ACYP2: variants seen among roughly 807,000 people sequenced by gnomAD.
The protein encoded by ACYP2 is acylphosphatase-2.
ACYP2 carries 12 observed loss-of-function variants against 11.2 expected under a neutral mutation model. That is an observed-to-expected ratio of 1.08 (90% CI 0.69 to 1.74). The LOEUF is 1.74. Among genes scored for constraint, ACYP2 ranks in the 40% most tolerant of loss-of-function variants. The pLI, the probability that ACYP2 is intolerant of heterozygous loss-of-function variation, is 0.00. For missense variants in ACYP2, 134 were observed against 101.9 expected, an observed-to-expected ratio of 1.31 and a Z score of -1.35; for synonymous variants, 43 against 32.2, an observed-to-expected ratio of 1.33 and a Z score of -1.13.
intron 2 of ACYP2, among the ~76,000 whole-genome samples, chr2:54,003,346 G>A (rs181293582): frequency 2.0e-5 from 3 of 151,592 alleles, no homozygotes; most frequent in South Asian, 4.2e-4. Context: ...CGCAACCTCC[G>A]CCTCCCAAGT....
intron 4 of ACYP2, among the ~76,000 whole-genome samples, chr2:54,096,699 G>GGC (rs1362220837): frequency 6.6e-6 from 1 of 151,564 alleles, no homozygotes; most frequent in African/African-American, 2.4e-5. Context: ...CAGGTGTGGC[G>GGC]GCGCGCGCCT....
chr2:53,974,368 G>A (rs1671360693), intron 2 of ACYP2, among the ~76,000 whole-genome samples: 1 of 152,188 alleles, frequency 6.6e-6, no homozygotes, highest in African/African-American at 2.4e-5. Flanking sequence ...GAGGAAAGCA[G>A]GGAAGGAAGC....
chr2:54,155,591 G>C (rs1274390711), intron 6 of ACYP2, among the ~76,000 whole-genome samples: 1 of 152,142 alleles, frequency 6.6e-6, no homozygotes, highest in Non-Finnish European at 1.5e-5. Context: ...CACTCTTCAT[G>C]AGAATCTAAC....
At chr2:54,017,789 G>T (rs553300873) in intron 2 of ACYP2, among the ~76,000 whole-genome samples, 7 of 151,732 alleles carry the variant, frequency 4.6e-5, no homozygotes, top group Non-Finnish European at 8.8e-5. Flanking sequence ...ACTGTATTAC[G>T]TGTGTGTGGG....
chr2:54,207,173 A>ATGTGTGTGTGTGTGTGTGTGTGTG lies in ACYP2; in HGVS notation c.404+68435_404+68458dup, dbSNP rs58920943. 1.4e-3 allele frequency among the ~76,000 whole-genome samples: 194 copies of ATGTGTGTGTGTGTGTGTGTGTGTG among 138,712 alleles called. 3 individuals carry two copies. The highest frequency in any genetic ancestry group is 4.5e-3 in the East Asian group (21 of 4,640). 91.0% of individuals were successfully genotyped at this position (138,712 alleles called of 152,430 possible). A position where few individuals can be genotyped will look rare whatever the true frequency, so the allele number is the denominator to read the frequency against. On this transcript the variant is annotated intron_variant, in intron 6 of 6. Coordinates refer to ENST00000607452, the MANE Select transcript of ACYP2 (RefSeq NM_001320586.2). ...ATATGTACATATATACAACATGTATATGTGTGTGTGTGTGTGTGTGTGTGT... is the reference window on the plus strand; with the variant it reads ...ATATGTACATATATACAACATGTATATGTGTGTGTGTGTGTGTGTGTGTGTGTGTGTGTGTGTGTGTGTGTGTGT...
chr2:54,096,093 G>A (rs62137972), intron 4 of ACYP2, among the ~76,000 whole-genome samples: 4 of 138,590 alleles, frequency 2.9e-5, no homozygotes, highest in Non-Finnish European at 6.2e-5. Flanking sequence ...GCTGCGGGGC[G>A]GAGACGCTCC....
At chr2:54,118,897 T>G (rs958955952) in intron 4 of ACYP2, among the ~76,000 whole-genome samples, 2 of 152,154 alleles carry the variant, frequency 1.3e-5, no homozygotes, top group Non-Finnish European at 2.9e-5. Flanking sequence ...CCAAGCTCTG[T>G]ACTCAACATT....
Position 54,135,305 on chromosome 2 carries a change from G to C in ACYP2, c.278-148G>C, listed in dbSNP as rs73935083. 1.1e-5 allele frequency: 7 copies of C among 654,982 alleles called. No homozygotes were observed. In the South Asian group the frequency reaches 1.3e-4, roughly 13 times the overall value. 40.6% of individuals were successfully genotyped at this position (654,982 alleles called of 1,614,324 possible). The stretch of plus-strand genomic sequence containing the variant: ...CTGGAATTTTAAATTTAATATTGTA[G>C]GACCACAGTTGATGGAGGATTAAGT... On this transcript the variant is annotated intron_variant, in intron 4 of 6. Transcript: ENST00000607452.
At chr2:54,038,697 A>ATATATG (rs1553359026) in intron 2 of ACYP2, among the ~76,000 whole-genome samples, 3 of 43,862 alleles carry the variant, frequency 6.8e-5, no homozygotes, top group African/African-American at 2.1e-4. Flanking sequence ...ATATATATAT[A>ATATATG]TATATATATA....
intron 6 of ACYP2, among the ~76,000 whole-genome samples, chr2:54,171,093 C>G (rs553847112): frequency 6.6e-6 from 1 of 152,132 alleles, no homozygotes; most frequent in Non-Finnish European, 1.5e-5. Context: ...GCCGGGATCT[C>G]TGAGCCAGAG....
chr2:54,256,138 T>A (rs1687515855), intron 6 of ACYP2: 1 of 1,611,944 alleles, frequency 6.2e-7, no homozygotes, highest in African/African-American at 1.3e-5. Flanking sequence ...GTGAGGACTC[T>A]CCGGGAGGCT....
intron 6 of ACYP2, among the ~76,000 whole-genome samples, chr2:54,202,561 A>G (rs1684893413): frequency 6.7e-6 from 1 of 150,294 alleles, no homozygotes; most frequent in African/African-American, 2.5e-5. Context: ...GTGCCCACCA[A>G]TACGCCTGGC....
chr2:54,078,918 T>C lies in ACYP2; in HGVS notation c.277+21558T>C, dbSNP rs117907166. On this transcript the variant is annotated intron_variant, in intron 4 of 6. Transcript: ENST00000607452. ...CGGCCTCAATAAGCTTTTTAACTTA[T>C]GATGTCAAAAATTTCATTTTGCATC... Among the ~76,000 whole-genome samples the C allele has an allele frequency of 6.9e-4, 105 of 152,310 alleles. No individual in the cohort carries two copies. The East Asian group carries it at 0.019, about 27-fold the overall frequency.
At chr2:54,211,656 T>A (rs1456783884) in intron 6 of ACYP2, among the ~76,000 whole-genome samples, 6 of 152,244 alleles carry the variant, frequency 3.9e-5, no homozygotes, top group Non-Finnish European at 8.8e-5. Flanking sequence ...CATGTATTAC[T>A]GGTTATATTT....
chr2:54,051,044 A>G lies in ACYP2; in HGVS notation c.149A>G (p.Asp50Gly). 1 of 489,930 alleles carries G rather than the reference A, an allele frequency of 2.0e-6. No individual in the cohort carries two copies. Among genetic ancestry groups the G allele is most frequent in the Non-Finnish European group, 3.6e-6 (1 of 280,242 alleles). 30.3% of individuals were successfully genotyped at this position (489,930 alleles called of 1,614,324 possible). A position where few individuals can be genotyped will look rare whatever the true frequency, so the allele number is the denominator to read the frequency against. The stretch of plus-strand genomic sequence containing the variant: ...TGCCTCGGCCTCCCATGCTGTTGGG[A>G]TTACAGGTGAGAACCACCGTCCTTG... Residue 50 changes from aspartate (D) to glycine (G), a missense_variant, in exon 3 of 7, where the codon GAT becomes GGT. Asp to Gly is a moderately conservative substitution (Grantham distance 94). Coordinates refer to ENST00000607452, the MANE Select transcript of ACYP2 (RefSeq NM_001320586.2).
chr2:54,001,392 A>T (rs1209734182), intron 2 of ACYP2, among the ~76,000 whole-genome samples: 1 of 152,102 alleles, frequency 6.6e-6, no homozygotes, highest in African/African-American at 2.4e-5. Flanking sequence ...AAATTTAAAA[A>T]TATGTATTTT....
chr2:54,142,834 T>G (rs1681680159), intron 6 of ACYP2: 1 of 152,230 alleles, frequency 6.6e-6, no homozygotes, highest in South Asian at 2.1e-4. Flanking sequence ...TTAAAATTTA[T>G]CCTTCAGTAT....
intron 6 of ACYP2, among the ~76,000 whole-genome samples, chr2:54,148,708 A>C (rs1328703302): frequency 2.6e-5 from 4 of 152,230 alleles, no homozygotes; most frequent in African/African-American, 9.7e-5. Flanking sequence ...GCAAGCAGGA[A>C]GAAGACACTG....
intron 6 of ACYP2, among the ~76,000 whole-genome samples, chr2:54,193,192 C>A (rs1319382603): frequency 2.0e-5 from 3 of 152,036 alleles, no homozygotes; most frequent in Admixed American, 6.6e-5. Flanking sequence ...GAAAAGAGAC[C>A]TCCATTCCCT....
Sources: allele counts gnomAD v4.1 joint callset (sites outside exome capture counted in the v4.1 genomes callset), GRCh38; gene constraint gnomAD v4.1.1; transcripts MANE v1.5; gene names NCBI Gene and HGNC (gene_info 2026-07-23, HGNC 2026-07-21).